The following MTOR variants were observed in gnomAD, a reference collection of about 807,000 sequenced individuals.
MTOR encodes the protein serine/threonine-protein kinase mTOR.
Under a neutral mutation model 319.8 loss-of-function variants are expected in MTOR, and 70 were observed. The observed-to-expected ratio is 0.22, with a 90% CI of 0.18 to 0.27. The LOEUF is 0.27. Ranked by LOEUF, MTOR falls within the 10% of genes least tolerant of loss-of-function variation. The probability of loss-of-function intolerance (pLI) is 1.00; values close to 1 mark genes in which losing one functional copy is unlikely to be tolerated. For synonymous variants in MTOR, 1,183 were observed against 1,211.4 expected, an observed-to-expected ratio of 0.98 and a Z score of 0.49; for missense variants, 1,890 against 3,274.4, an observed-to-expected ratio of 0.58 and a Z score of 10.32.
intron 50 of MTOR, 75 bp downstream of exon 50, chr1:11,116,908 CAAAAAGCCATATATTTAATTG>C: frequency 1.1e-6 from 1 of 916,656 alleles, no homozygotes; most frequent in Middle Eastern, 2.3e-4. Context: ...ATTTATTTAC[CAAAAAGCCATATATTTAATTG>C]GAAAACCAAA....
chr1:11,143,134 T>C (rs1056389948), intron 34 of MTOR, among the ~76,000 whole-genome samples: 5 of 152,198 alleles, frequency 3.3e-5, no homozygotes, highest in Admixed American at 6.5e-5. Flanking sequence ...CACTGAGTGA[T>C]TGTTTTTTGT....
chr1:11,140,293 C>A (rs12075896), intron 34 of MTOR, among the ~76,000 whole-genome samples: 39,755 of 135,174 alleles, frequency 0.29, 6,167 homozygotes, highest in African/African-American at 0.45. Flanking sequence ...TTGTGGAAGA[C>A]AATTATTCCA....
intron 28 of MTOR, among the ~76,000 whole-genome samples, chr1:11,181,514 G>A (rs1415649571): frequency 6.6e-6 from 1 of 152,118 alleles, no homozygotes; most frequent in East Asian, 1.9e-4. Flanking sequence ...GACAGAGCCA[G>A]ACTCCATCTC....
chr1:11,157,354 C>T (rs2100569468), intron 29 of MTOR, 63 bp from the exon 30 acceptor site: 1 of 1,555,496 alleles, frequency 6.4e-7, no homozygotes, highest in Admixed American at 1.9e-5. Context: ...ATTGTTTAAT[C>T]CACATACTCT....
In MTOR at chr1:11,139,337, G is replaced by A. The variant is rs773017100; in HGVS notation, c.5097C>T (p.Ala1699=). The A allele has an allele frequency of 3.1e-6, 5 of 1,612,000 alleles. No homozygotes were observed. The highest frequency in any genetic ancestry group is 4.5e-5 in the East Asian group (2 of 44,882). The change falls in exon 36 of 58, where the codon GCC becomes GCT. Residue 1699 remains alanine, a synonymous_variant. Coordinates refer to ENST00000361445, the MANE Select transcript of MTOR (RefSeq NM_004958.4). ...CACTCTTCCACATGTTTTTCATGTA[G>A]GCATAGGTCACCTGAGGGTGAACTG... The part of the protein sequence containing the change: ...LPTVHPQVTY[A]YMKNMWKSAR...
intron 54 of MTOR, among the ~76,000 whole-genome samples, chr1:11,110,689 C>G (rs1234395487): frequency 1.3e-5 from 2 of 152,088 alleles, no homozygotes; most frequent in African/African-American, 4.8e-5. Context: ...AACCACCGCA[C>G]CCGGGTGATA....
At chr1:11,220,136 A>G (rs1231039220) in intron 19 of MTOR, among the ~76,000 whole-genome samples, 1 of 151,900 alleles carries the variant, frequency 6.6e-6, no homozygotes, top group Non-Finnish European at 1.5e-5. Context: ...TCAGGAACTG[A>G]TAAGATACCA....
At chr1:11,224,325 A>G (rs1646761749) in intron 19 of MTOR, among the ~76,000 whole-genome samples, 1 of 152,192 alleles carries the variant, frequency 6.6e-6, no homozygotes, top group Non-Finnish European at 1.5e-5. Context: ...GTATTATTAA[A>G]GATAAGAAGG....
chr1:11,192,323 G>A, intron 28 of MTOR: 5 of 1,614,096 alleles, frequency 3.1e-6, no homozygotes, highest in Non-Finnish European at 4.2e-6. Context: ...CATCTCTGGA[G>A]TGTATAAGCT....
At position 11,121,162 on chromosome 1, in the gene MTOR, T is replaced by C. The variant is rs1056616093; in HGVS notation, c.6933+84A>G. On this transcript the variant is annotated intron_variant, in intron 49 of 57. Coordinates refer to ENST00000361445, the MANE Select transcript of MTOR (RefSeq NM_004958.4). The surrounding 1 kb of genome is among the most constrained non-coding windows in gnomAD (Gnocchi z 4.9). ...CAATCACAGCAAAGAAGAGCCGCTG[T>C]GTGCACATGAACAGATGGGAGGGCC... 1 of 1,564,262 alleles carries C rather than the reference T, an allele frequency of 6.4e-7. No individual in the cohort carries two copies. Among genetic ancestry groups the C allele is most frequent in the Admixed American group, 1.8e-5 (1 of 54,498 alleles).
At chr1:11,120,129 G>A (rs1315956458) in intron 49 of MTOR, among the ~76,000 whole-genome samples, 1 of 151,768 alleles carries the variant, frequency 6.6e-6, no homozygotes, top group African/African-American at 2.4e-5. Flanking sequence ...CCAGGACGGA[G>A]TGCAGTGGCA....
chr1:11,176,908 T>C (rs1031384944), intron 28 of MTOR, among the ~76,000 whole-genome samples: 6 of 152,068 alleles, frequency 3.9e-5, no homozygotes, highest in African/African-American at 1.4e-4. Context: ...AGGAGAATGG[T>C]CTGGGGAACT....
At position 11,128,246 on chromosome 1, in the gene MTOR, T is replaced by C; in HGVS notation, c.5911-120A>G. ...TGTGACATTAACATCTGCTTGAGAC[T>C]ACCAGGAAGGGGCTCAGTCTTCGAG... On this transcript the variant is annotated intron_variant, in intron 42 of 57. Transcript: ENST00000361445. The surrounding 1 kb of genome is among the most constrained non-coding windows in gnomAD (Gnocchi z 5.3). The C allele has an allele frequency of 1.4e-6, 2 of 1,423,264 alleles. No individual in the cohort carries two copies. The highest frequency in any genetic ancestry group is 4.6e-5 in the East Asian group (2 of 43,720). The allele number at this position is 1,423,264 out of a possible 1,614,324, so 88.2% of individuals were successfully genotyped here. A position where few individuals can be genotyped will look rare whatever the true frequency, so the allele number is the denominator to read the frequency against.
chr1:11,241,549 C>T lies in MTOR; in HGVS notation c.1541+4G>A. 1.2e-6 allele frequency: 2 copies of T among 1,606,494 alleles called. No individual in the cohort carries two copies. ...CAGGGCAAGCTCAGGTTTCTGACAC[C>T]CACCTTAGTCCCACTGCCAGCATGG... On this transcript the variant is annotated splice_donor_region_variant and intron_variant, in intron 10 of 57. Transcript: ENST00000361445.
chr1:11,251,094 T>C (rs1649607735), intron 6 of MTOR, among the ~76,000 whole-genome samples: 1 of 152,172 alleles, frequency 6.6e-6, no homozygotes, highest in South Asian at 2.1e-4. Flanking sequence ...ATGAGTTAAA[T>C]GTCACTCCAC....
chr1:11,196,764 A>C (rs1307799627), intron 28 of MTOR, among the ~76,000 whole-genome samples: 1 of 151,972 alleles, frequency 6.6e-6, no homozygotes, highest in Non-Finnish European at 1.5e-5. Flanking sequence ...AGGCAGGAGA[A>C]TCGCTTGCAT....
Position 11,121,470 on chromosome 1 carries a change from T to C in MTOR, c.6811-102A>G. ...GGGTCCAGGCAGAGCTGAGTTCTAA[T>C]TTCCCCATCATAGCCAAAGGAGAAG... On this transcript the variant is annotated intron_variant, in intron 48 of 57. Transcript: ENST00000361445. The surrounding 1 kb of genome is among the most constrained non-coding windows in gnomAD (Gnocchi z 4.9). 1 of 1,477,102 alleles carries C rather than the reference T, an allele frequency of 6.8e-7. No individual in the cohort carries two copies. The highest frequency in any genetic ancestry group is 1.2e-5 in the South Asian group (1 of 81,314). 91.5% of individuals were successfully genotyped at this position (1,477,102 alleles called of 1,614,324 possible).
At chr1:11,242,671 G>A (rs999159269) in intron 9 of MTOR, among the ~76,000 whole-genome samples, 7 of 152,216 alleles carry the variant, frequency 4.6e-5, no homozygotes, top group Non-Finnish European at 5.9e-5. Flanking sequence ...AGGATGCTGA[G>A]GGGTTTTCTC....
At chr1:11,162,127 C>A (rs1029518865) in intron 29 of MTOR, among the ~76,000 whole-genome samples, 1 of 152,188 alleles carries the variant, frequency 6.6e-6, no homozygotes, top group East Asian at 1.9e-4. Context: ...ATGAGAACTA[C>A]GTGATGCATG....
Sources: gnomAD v4.1 joint callset for allele counts (sites outside exome capture counted in the v4.1 genomes callset) on GRCh38, gnomAD v4.1.1 for gene constraint, Gnocchi (gnomAD v3.1) non-coding constraint, MANE v1.5 for transcripts, NCBI Gene and HGNC (gene_info 2026-07-23, HGNC 2026-07-21) for gene names.